The following NOTCH1 variants were observed in gnomAD, a reference collection of about 807,000 sequenced individuals.
NOTCH1 encodes the protein notch receptor 1.
Under a neutral mutation model 254.8 loss-of-function variants are expected in NOTCH1, and 37 were observed. The ratio of observed to expected loss-of-function variants is 0.15; its 90% CI spans 0.11 to 0.19. The LOEUF is 0.19. NOTCH1 is among the 10% of genes least tolerant of loss of function. The pLI, the probability that NOTCH1 is intolerant of heterozygous loss-of-function variation, is 1.00. For synonymous variants in NOTCH1, 1,731 were observed against 1,618.1 expected (o/e 1.07, Z -1.68); for missense variants, 2,972 against 3,708.6 (o/e 0.80, Z 5.16).
chr9:136,540,964 C>T lies in NOTCH1; in HGVS notation c.140+3060G>A, dbSNP rs542153860. Among the ~76,000 whole-genome samples the T allele has an allele frequency of 3.9e-5, 6 of 152,198 alleles. No individual in the cohort carries two copies. Among genetic ancestry groups the T allele is most frequent in the Non-Finnish European group, 5.9e-5 (4 of 68,032 alleles). The stretch of plus-strand genomic sequence containing the variant: ...CAGATAGGGTCCCTGCAGCTCTTCC[C>T]AGCTCTCCTCAAAACAAAGAGAAAA... On this transcript the variant is annotated intron_variant, in intron 2 of 33. Coordinates refer to ENST00000651671, the MANE Select transcript of NOTCH1 (RefSeq NM_017617.5). The surrounding 1 kb of genome is among the most constrained non-coding windows in gnomAD (Gnocchi z 4.4).
rs1589056587 is a variant in NOTCH1 at position 136,502,276 on chromosome 9, G to A, written c.5380C>T (p.Leu1794Phe). 1.2e-6 allele frequency: 2 copies of A among 1,611,830 alleles called. No homozygotes were observed. Among genetic ancestry groups the A allele is most frequent in the Non-Finnish European group, 1.7e-6 (2 of 1,179,614 alleles). The change falls in exon 28 of 34, where the codon CTC becomes TTC. Residue 1794 changes from leucine (L) to phenylalanine (F), a missense_variant. By Grantham distance (22) the Leu-to-Phe change is conservative. Coordinates refer to ENST00000651671, the MANE Select transcript of NOTCH1 (RefSeq NM_017617.5). ...GCAGGGGCGGCGTCCGCTCACTTGAGGCCCACGGAGTCCTCGCCGAGGGGC... is the reference window on the plus strand; with the variant it reads ...GCAGGGGCGGCGTCCGCTCACTTGAAGCCCACGGAGTCCTCGCCGAGGGGC... Reference protein sequence around the residue: ...REPLGEDSVGLKPLKNASDGA... With the variant: ...REPLGEDSVGFKPLKNASDGA...
At chr9:136,525,699 C>G (rs1036591970) in intron 2 of NOTCH1, among the ~76,000 whole-genome samples, 6 of 152,270 alleles carry the variant, frequency 3.9e-5, no homozygotes, top group Admixed American at 6.5e-5. Context: ...TATTCCCACC[C>G]CAGTGTCTCC....
intron 26 of NOTCH1, among the ~76,000 whole-genome samples, chr9:136,504,211 A>T (rs3124595): frequency 0.63 from 95,341 of 151,856 alleles, 32,200 homozygotes; most frequent in East Asian, 0.9. Flanking sequence ...ATACTTTTTT[A>T]AAAAAAACAG....
intron 30 of NOTCH1, 26 bp from the exon 31 acceptor site, chr9:136,500,873 G>A (rs1424417796): frequency 3.2e-6 from 5 of 1,564,572 alleles, no homozygotes; most frequent in Admixed American, 1.8e-5. Flanking sequence ...CGGGTGCTCA[G>A]TCTGGAGGGC....
rs1843223050 is a variant in NOTCH1, at chr9:136,513,951, A to G, written c.2208-414T>C. ...CATTGCACTCCAGCCTGGACAACAG[A>G]GCAAGGCTCTGTCTCAAAATAAAGA... On this transcript the variant is annotated intron_variant, in intron 13 of 33. Transcript: ENST00000651671. The surrounding 1 kb of genome is among the most constrained non-coding windows in gnomAD (Gnocchi z 4.7). Among the ~76,000 whole-genome samples the G allele has an allele frequency of 6.6e-6, 1 of 152,166 alleles. No individual in the cohort carries two copies. The highest frequency in any genetic ancestry group is 1.5e-5 in the Non-Finnish European group (1 of 68,030).
At chr9:136,515,793 C>A in intron 10 of NOTCH1, 77 bp from the exon 11 acceptor site, 1 of 1,374,758 alleles carries the variant, frequency 7.3e-7, no homozygotes, top group South Asian at 1.3e-5. Flanking sequence ...GACCTGGGGT[C>A]ACCTGTGCCA....
Position 136,539,308 on chromosome 9 carries a change from G to T in NOTCH1, c.140+4716C>A, listed in dbSNP as rs188720264. On this transcript the variant is annotated intron_variant, in intron 2 of 33. Coordinates refer to ENST00000651671, the MANE Select transcript of NOTCH1 (RefSeq NM_017617.5). ...ACTCCAGGCTCCCACCCCAGTCTCC[G>T]CCCCAGGCCTTCCTGTTCCTGATGT... is the stretch of plus-strand genomic sequence containing the variant. 9.2e-5 allele frequency among the ~76,000 whole-genome samples: 14 copies of T among 152,340 alleles called. No individual in the cohort carries two copies. In the East Asian group the frequency reaches 2.3e-3, roughly 25 times the overall value.
chr9:136,507,982 C>T lies in NOTCH1; in HGVS notation c.3483G>A (p.Thr1161=), dbSNP rs369392246. The change falls in exon 21 of 34, where the codon ACG becomes ACA. Residue 1161 remains threonine (T), a synonymous_variant. Coordinates refer to ENST00000651671, the MANE Select transcript of NOTCH1 (RefSeq NM_017617.5). ...TGCAGGAGTAGCCGCCCAGGTAGTC[C>T]GTGCAGGTGGCCCCGTTCTGGCAGG... The part of the protein sequence containing the change: ...PSPCQNGATC[T]DYLGGYSCKC... The T allele has an allele frequency of 2.1e-5, 34 of 1,612,472 alleles. No homozygotes were observed. The highest frequency in any genetic ancestry group is 1.6e-4 in the Middle Eastern group (1 of 6,084).
chr9:136,523,307 T>A, intron 3 of NOTCH1, 119 bp from the exon 4 acceptor site: 1 of 1,057,120 alleles, frequency 9.5e-7, no homozygotes, highest in Non-Finnish European at 1.4e-6. Context: ...GCTATCACAT[T>A]TGATCCTCAG....
At position 136,499,173 on chromosome 9, in the gene NOTCH1, C is replaced by T. The variant is rs1842960389; in HGVS notation, c.6021G>A (p.Val2007=). Residue 2007 remains valine (V), a synonymous_variant, in exon 32 of 34, where the codon GTG becomes GTA. Coordinates refer to ENST00000651671, the MANE Select transcript of NOTCH1 (RefSeq NM_017617.5). ...TPLILAARLA[V]EGMLEDLINS... is the part of the protein sequence containing the mutation. ...TGATGAGGTCCTCCAGCATGCCCTC[C>T]ACGGCCAGGCGGGCAGCCAGGATCA... The T allele has an allele frequency of 6.2e-7, 1 of 1,613,374 alleles. No individual in the cohort carries two copies. The highest frequency in any genetic ancestry group is 1.3e-5 in the African/African-American group (1 of 75,066).
chr9:136,509,078 G>A lies in NOTCH1; in HGVS notation c.2970-7C>T, dbSNP rs1474312116. The A allele has an allele frequency of 6.4e-7, 1 of 1,554,280 alleles. No homozygotes were observed. Among genetic ancestry groups the A allele is most frequent in the Admixed American group, 1.9e-5 (1 of 51,852 alleles). On this transcript the variant is annotated splice_polypyrimidine_tract_variant and splice_region_variant and intron_variant, in intron 18 of 33. Transcript: ENST00000651671. ...GCCACCGTTGAAGCAGGAGCTGCAA[G>A]GGGGTGGGCAGGCGGGGGCTGAGTG...
At chr9:136,511,383 G>A in intron 15 of NOTCH1, 112 bp from the exon 16 acceptor site, 6 of 1,403,998 alleles carry the variant, frequency 4.3e-6, no homozygotes, top group South Asian at 2.7e-5. Context: ...TGGTCCCGCC[G>A]GGAGGCAAAT....
At position 136,514,531 on chromosome 9, in the gene NOTCH1, G is replaced by A. The variant is rs1843231402; in HGVS notation, c.2186C>T (p.Ala729Val). The A allele has an allele frequency of 1.3e-6, 2 of 1,592,166 alleles. No individual in the cohort carries two copies. The highest frequency in any genetic ancestry group is 1.7e-6 in the Non-Finnish European group (2 of 1,170,622). Residue 729 changes from alanine (A) to valine (V), a missense_variant, in exon 13 of 34, where the codon GCC becomes GTC. Transcript: ENST00000651671. Reference sequence around the variant, plus strand: ...ATACCCGTTGAGGCTGTCCCGGCAGGCCCCGTGGACGCAGGGGTTGCTGTT... The same window carrying A: ...ATACCCGTTGAGGCTGTCCCGGCAGACCCCGTGGACGCAGGGGTTGCTGTT... ...ECNSNPCVHG[A>V]CRDSLNGYKC...
intron 17 of NOTCH1, 103 bp from the exon 18 acceptor site, chr9:136,510,064 T>G (rs1843154498): frequency 1.8e-6 from 2 of 1,128,870 alleles, no homozygotes; most frequent in Non-Finnish European, 2.6e-6. Flanking sequence ...AGCCTTTCGT[T>G]GCCGAGGCTG....
Position 136,494,756 on chromosome 9 carries a change from G to A in NOTCH1, c.*1315C>T. The A allele has an allele frequency of 2.5e-6, 1 of 398,756 alleles. No individual in the cohort carries two copies. The allele number at this position is 398,756 out of a possible 1,614,324, so 24.7% of individuals were successfully genotyped here. A position where few individuals can be genotyped will look rare whatever the true frequency, so the allele number is the denominator to read the frequency against. On this transcript the variant is annotated 3_prime_UTR_variant, in exon 34 of 34. Coordinates refer to ENST00000651671, the MANE Select transcript of NOTCH1 (RefSeq NM_017617.5). ...CAAGTCTGACGTCCCTCACTGGCATGACACACAACAGACTCATTCATTAAG... is the reference window on the plus strand; with the variant it reads ...CAAGTCTGACGTCCCTCACTGGCATAACACACAACAGACTCATTCATTAAG...
At chr9:136,541,400 C>G (rs1843730394) in intron 2 of NOTCH1, among the ~76,000 whole-genome samples, 1 of 152,190 alleles carries the variant, frequency 6.6e-6, no homozygotes, top group African/African-American at 2.4e-5. Flanking sequence ...ATGACCATGC[C>G]CCTTCTACAG....
At chr9:136,517,424 C>T in intron 8 of NOTCH1, 39 bp from the exon 9 acceptor site, 1 of 1,346,034 alleles carries the variant, frequency 7.4e-7, no homozygotes, top group Non-Finnish European at 1.0e-6. Flanking sequence ...CACGCGCGGC[C>T]CCAGTGCCCC....
At chr9:136,544,579 C>T (rs542696633) in intron 1 of NOTCH1, among the ~76,000 whole-genome samples, 147 of 151,976 alleles carry the variant, frequency 9.7e-4, no homozygotes, top group African/African-American at 2.8e-3. Context: ...GGGGTGGCCA[C>T]ACTCAGCTCC....
chr9:136,508,840 T>C, intron 19 of NOTCH1, 30 bp downstream of exon 19: 2 of 1,530,694 alleles, frequency 1.3e-6, no homozygotes, highest in Non-Finnish European at 8.8e-7. Flanking sequence ...GGGCCCCTCC[T>C]TCGGGCACCT....
Sources: gnomAD v4.1 joint callset for allele counts (sites outside exome capture counted in the v4.1 genomes callset) on GRCh38, gnomAD v4.1.1 for gene constraint, Gnocchi (gnomAD v3.1) non-coding constraint, MANE v1.5 for transcripts, NCBI Gene and HGNC (gene_info 2026-07-23, HGNC 2026-07-21) for gene names.